The following MAN1C1 variants were observed in gnomAD, a reference collection of about 807,000 sequenced individuals.
MAN1C1 encodes the protein mannosidase alpha class 1C member 1, also known as mannosyl-oligosaccharide 1,2-alpha-mannosidase IC.
MAN1C1 carries 49 observed loss-of-function variants against 71.5 expected under a neutral mutation model. That is an observed-to-expected ratio of 0.69 (90% CI 0.54 to 0.87). The LOEUF (loss-of-function observed/expected upper bound fraction) is 0.87, where lower values mean the gene tolerates loss of function less well. MAN1C1 is among the 40% of genes least tolerant of loss of function. The pLI, the probability that MAN1C1 is intolerant of heterozygous loss-of-function variation, is 0.00. For synonymous variants in MAN1C1, 352 were observed against 343.7 expected, an observed-to-expected ratio of 1.02 and a Z score of -0.27; for missense variants, 743 against 835.0, an observed-to-expected ratio of 0.89 and a Z score of 1.36.
At chr1:25,703,967 C>T (rs1415101459) in intron 2 of MAN1C1, among the ~76,000 whole-genome samples, 2 of 152,204 alleles carry the variant, frequency 1.3e-5, no homozygotes, top group East Asian at 3.8e-4. Context: ...CTGGCGGGAT[C>T]TGTCTGCCCA....
intron 2 of MAN1C1, among the ~76,000 whole-genome samples, chr1:25,723,721 C>A (rs1250944071): frequency 6.6e-6 from 1 of 152,190 alleles, no homozygotes; most frequent in Non-Finnish European, 1.5e-5. Context: ...TAGAGTGGGA[C>A]AAAAGATCCC....
chr1:25,676,486 G>A (rs1282708174), intron 1 of MAN1C1, among the ~76,000 whole-genome samples: 1 of 152,176 alleles, frequency 6.6e-6, no homozygotes, highest in African/African-American at 2.4e-5. Context: ...AAAATCCAAC[G>A]TGGATAGTTT....
At chr1:25,763,809 G>A (rs982066851) in intron 6 of MAN1C1, 65 bp from the exon 7 acceptor site, 1 of 1,323,090 alleles carries the variant, frequency 7.6e-7, no homozygotes, top group African/African-American at 1.4e-5. Flanking sequence ...CCCATCCTCA[G>A]CAGGCTGGGT....
intron 1 of MAN1C1, among the ~76,000 whole-genome samples, chr1:25,685,941 G>A (rs920790044): frequency 5.3e-5 from 8 of 152,158 alleles, no homozygotes; most frequent in South Asian, 2.1e-4. Flanking sequence ...GAGCCAGAGG[G>A]GATGGCTCAA....
At chr1:25,760,985 GC>G (rs1306368569) in intron 6 of MAN1C1, 1 of 152,194 alleles carries the variant, frequency 6.6e-6, no homozygotes, top group Non-Finnish European at 1.5e-5. Flanking sequence ...GCCCAGTGCT[GC>G]CCTGTGTTGG....
intron 2 of MAN1C1, among the ~76,000 whole-genome samples, chr1:25,687,617 T>G (rs1006426126): frequency 1.3e-5 from 2 of 152,200 alleles, no homozygotes; most frequent in Non-Finnish European, 2.9e-5. Flanking sequence ...CCCCATCGTG[T>G]GCAGCCCTAT....
At chr1:25,721,864 A>G (rs903152159) in intron 2 of MAN1C1, among the ~76,000 whole-genome samples, 11 of 152,210 alleles carry the variant, frequency 7.2e-5, no homozygotes, top group South Asian at 2.1e-4. Flanking sequence ...GCCTTTCCCC[A>G]TAAGTGTGAT....
Position 25,678,189 on chromosome 1 carries a change from C to A in MAN1C1, c.541-8251C>A, listed in dbSNP as rs1012380613. ...ATTTCATACTATGTAATTTTGTGTT[C>A]TGCCTTTCCACCTAATAATATATAC... is the stretch of plus-strand genomic sequence containing the variant. On this transcript the variant is annotated intron_variant, in intron 1 of 11. Coordinates refer to ENST00000374332, the MANE Select transcript of MAN1C1 (RefSeq NM_020379.4). Among the ~76,000 whole-genome samples the A allele has an allele frequency of 2.6e-5, 4 of 152,100 alleles. No individual in the cohort carries two copies. In the East Asian group the frequency reaches 7.7e-4, roughly 29 times the overall value.
chr1:25,638,124 C>T (rs1272326193), intron 1 of MAN1C1, among the ~76,000 whole-genome samples: 1 of 151,730 alleles, frequency 6.6e-6, no homozygotes. Context: ...CCTTTTCATG[C>T]CTTCTTTTGA....
At chr1:25,675,740 C>A (rs2046058053) in intron 1 of MAN1C1, among the ~76,000 whole-genome samples, 2 of 152,154 alleles carry the variant, frequency 1.3e-5, no homozygotes, top group African/African-American at 2.4e-5. Context: ...TTCACCACAT[C>A]CATGCCATGG....
chr1:25,672,919 A>T (rs949839764), intron 1 of MAN1C1, among the ~76,000 whole-genome samples: 2 of 152,108 alleles, frequency 1.3e-5, no homozygotes, highest in Non-Finnish European at 2.9e-5. Flanking sequence ...ACACAGAGGA[A>T]TGGCATTTAA....
intron 6 of MAN1C1, chr1:25,760,010 A>G (rs1459470588): frequency 6.6e-6 from 1 of 152,028 alleles, no homozygotes; most frequent in Non-Finnish European, 1.5e-5. Context: ...TTATTTTCTG[A>G]TCCTTTCCCA....
chr1:25,684,000 A>G (rs995846364), intron 1 of MAN1C1, among the ~76,000 whole-genome samples: 12 of 152,106 alleles, frequency 7.9e-5, no homozygotes, highest in Non-Finnish European at 1.5e-5. Context: ...CAAACCTCAC[A>G]TTCCTGCAGT....
Position 25,764,064 on chromosome 1 carries a change from C to A in MAN1C1, c.1141+97C>A. The A allele has an allele frequency of 2.0e-6, 2 of 985,162 alleles. No homozygotes were observed. The highest frequency in any genetic ancestry group is 1.9e-5 in the Admixed American group (1 of 51,668). The allele number at this position is 985,162 out of a possible 1,614,324, so 61.0% of individuals were successfully genotyped here. A position where few individuals can be genotyped will look rare whatever the true frequency, so the allele number is the denominator to read the frequency against. ...GCCCCTGGGCTGAGTGAGGATGTGT[C>A]TGTCAGAGCCATGCAGCCAGCAAGG... On this transcript the variant is annotated intron_variant, in intron 7 of 11. Coordinates refer to ENST00000374332, the MANE Select transcript of MAN1C1 (RefSeq NM_020379.4). The surrounding 1 kb of genome is among the most constrained non-coding windows in gnomAD (Gnocchi z 4.4).
intron 1 of MAN1C1, among the ~76,000 whole-genome samples, chr1:25,673,240 C>T (rs2046018033): frequency 2.0e-5 from 3 of 152,148 alleles, no homozygotes; most frequent in Non-Finnish European, 4.4e-5. Flanking sequence ...CACCTGCGAA[C>T]ACTTAGTGGA....
At chr1:25,642,340 A>G (rs2045549659) in intron 1 of MAN1C1, among the ~76,000 whole-genome samples, 4 of 152,344 alleles carry the variant, frequency 2.6e-5, no homozygotes, top group Admixed American at 2.6e-4. Context: ...AAGAAGTGAA[A>G]GAGCCTAACC....
chr1:25,716,143 T>C (rs1007138748), intron 2 of MAN1C1, among the ~76,000 whole-genome samples: 3 of 152,236 alleles, frequency 2.0e-5, no homozygotes, highest in African/African-American at 7.2e-5. Flanking sequence ...CTCAGTCATA[T>C]GCCTACACGT....
At chr1:25,734,115 G>T (rs1460912118) in intron 2 of MAN1C1, among the ~76,000 whole-genome samples, 3 of 148,554 alleles carry the variant, frequency 2.0e-5, no homozygotes, top group South Asian at 2.1e-4. Flanking sequence ...TTATTTTTTT[G>T]ATTTTTAATT....
intron 1 of MAN1C1, among the ~76,000 whole-genome samples, chr1:25,681,877 G>T (rs569188462): frequency 4.1e-4 from 62 of 151,868 alleles, no homozygotes; most frequent in African/African-American, 1.3e-3. Flanking sequence ...AAGCATTTAG[G>T]ATTAAAAATG....
Sources: allele counts gnomAD v4.1 joint callset (sites outside exome capture counted in the v4.1 genomes callset), GRCh38; gene constraint gnomAD v4.1.1; non-coding constraint Gnocchi (gnomAD v3.1); transcripts MANE v1.5; gene names NCBI Gene and HGNC (gene_info 2026-07-23, HGNC 2026-07-21).